ALOX15: variants seen among roughly 807,000 people sequenced by gnomAD.
ALOX15 encodes polyunsaturated fatty acid lipoxygenase ALOX15.
A neutral mutation model predicts 71.7 loss-of-function variants in ALOX15; 68 were observed. The observed-to-expected ratio is 0.95, with a 90% CI of 0.78 to 1.16. The LOEUF is 1.16. ALOX15 is among the 50% of genes most tolerant of loss of function. The pLI, the probability that ALOX15 is intolerant of heterozygous loss-of-function variation, is 0.00. For synonymous variants in ALOX15, 346 were observed against 333.3 expected (o/e 1.04, Z -0.42); for missense variants, 798 against 818.8 (o/e 0.97, Z 0.31).
At chr17:4,633,611 C>A (rs940599742) in intron 8 of ALOX15, 111 bp from the exon 9 acceptor site, 5 of 892,728 alleles carry the variant, frequency 5.6e-6, no homozygotes, top group Non-Finnish European at 8.9e-6. Context: ...AAAGCACAGA[C>A]GTAAAGTTCA....
In ALOX15 at chr17:4,638,645, C is replaced by G; in HGVS notation, c.582G>C (p.Leu194=). 6.2e-7 allele frequency: 1 copy of G among 1,614,210 alleles called. No individual in the cohort carries two copies. Among genetic ancestry groups the G allele is most frequent in the South Asian group, 1.1e-5 (1 of 91,078 alleles). ...AGTCATCTAGATCCTTCCAGCAAGT[C>G]AGAACATTTAGAGAGTCTTTGATAG... ...DLAIKDSLNV[L]TCWKDLDDFN... The change falls in exon 5 of 14, where the codon CTG becomes CTC. Residue 194 remains leucine (L), a synonymous_variant. Transcript: ENST00000293761.
intron 7 of ALOX15, 126 bp from the exon 8 acceptor site, chr17:4,636,094 TGCCGCTCCCTACGGCTCCC>T (rs1911086223): frequency 5.9e-6 from 6 of 1,023,856 alleles, no homozygotes; most frequent in Non-Finnish European, 8.6e-6. Flanking sequence ...ATCTCACTCC[TGCCGCTCCCTACGGCTCCC>T]GTTTCCTCCC....
rs1910888249 is a variant in ALOX15, at chr17:4,631,362, GGAA to G, written c.*235_*237del. On this transcript the variant is annotated 3_prime_UTR_variant, in exon 14 of 14. Transcript: ENST00000293761. Reference sequence around the variant, plus strand: ...CCATATAGATCTGAATGAAGAAAGAGGAAGAGAGAGAGGAAGGAAGATAGGAAA... The same window carrying G: ...CCATATAGATCTGAATGAAGAAAGAGGAGAGAGAGGAAGGAAGATAGGAAA... The G allele has an allele frequency of 9.0e-6, 5 of 554,782 alleles. No individual in the cohort carries two copies. 34.4% of individuals were successfully genotyped at this position (554,782 alleles called of 1,614,324 possible).
rs778006671 is a variant in ALOX15 at position 4,631,080 on chromosome 17, T to A, written c.*520A>T. On this transcript the variant is annotated 3_prime_UTR_variant, in exon 14 of 14. Transcript: ENST00000293761. The stretch of plus-strand genomic sequence containing the variant: ...CCGTCTCCACGAAAATAAAAAAATA[T>A]TAGCTGGGCATGATGGCATGAGCCT... 1 of 152,444 alleles carries A rather than the reference T, an allele frequency of 6.6e-6. No individual in the cohort carries two copies. The highest frequency in any genetic ancestry group is 2.4e-5 in the African/African-American group (1 of 41,446). The allele number at this position is 152,444 out of a possible 1,614,324, so 9.4% of individuals were successfully genotyped here.
chr17:4,633,094 A>G (rs2150534991), intron 10 of ALOX15, 52 bp downstream of exon 10: 3 of 1,607,980 alleles, frequency 1.9e-6, no homozygotes, highest in Admixed American at 1.7e-5. Context: ...GCTCTCCTAC[A>G]TGTCTTCTCC....
In ALOX15 at chr17:4,632,205, T is replaced by A; in HGVS notation, c.1617A>T (p.Gln539His). 1 of 1,614,120 alleles carries A rather than the reference T, an allele frequency of 6.2e-7. No homozygotes were observed. ...CCTGGCCCAGGTGCACAGAGGCGTGTTGGCCGGTGCAGGTGAAGATACACA... is the reference window on the plus strand; with the variant it reads ...CCTGGCCCAGGTGCACAGAGGCGTGATGGCCGGTGCAGGTGAAGATACACA... ...VTMCIFTCTG[Q>H]HASVHLGQLD... The change falls in exon 12 of 14, where the codon CAA becomes CAT. Residue 539 changes from glutamine (Q) to histidine (H), a missense_variant. Transcript: ENST00000293761.
chr17:4,635,654 TTC>T lies in ALOX15; in HGVS notation c.1161+103_1161+104del, dbSNP rs1474263390. ...TGCTCTCACATTGTCCATTCATTGT[TTC>T]TCTCTGTACCCCGAGACCCCACAGA... On this transcript the variant is annotated intron_variant, in intron 8 of 13. Transcript: ENST00000293761. 1.2e-5 allele frequency: 13 copies of T among 1,107,690 alleles called. No homozygotes were observed. In the African/African-American group the frequency reaches 2.0e-4, roughly 17 times the overall value. The allele number at this position is 1,107,690 out of a possible 1,614,324, so 68.6% of individuals were successfully genotyped here.
Position 4,641,524 on chromosome 17 carries a change from C to G in ALOX15, c.128G>C (p.Arg43Pro), listed in dbSNP as rs1307304814. The G allele has an allele frequency of 6.2e-7, 1 of 1,612,766 alleles. No individual in the cohort carries two copies. Among genetic ancestry groups the G allele is most frequent in the Non-Finnish European group, 8.5e-7 (1 of 1,179,672 alleles). The change falls in exon 1 of 14, where the codon CGG becomes CCG. Residue 43 changes from arginine (R) to proline (P), a missense_variant. Physicochemically the swap from Arg to Pro is moderately radical, Grantham distance 103. This residue lies in a region of ALOX15 where 300 missense variants were observed against 283.1 expected (regional missense o/e 1.06). Coordinates refer to ENST00000293761, the MANE Select transcript of ALOX15 (RefSeq NM_001140.5). ...CGGCTCTGGGGAGCTCACCTTGCCC[C>G]GTGCGGGCCACAGTCGCTTCCCGAG... ...AALGKRLWPA[R>P]GKETELKVEV...
intron 11 of ALOX15, among the ~76,000 whole-genome samples, chr17:4,632,576 T>C (rs547217710): frequency 1.3e-3 from 202 of 152,248 alleles, no homozygotes; most frequent in Non-Finnish European, 2.2e-3. Flanking sequence ...AAAATATTTA[T>C]ACCATGGAAA....
chr17:4,637,048 A>G, intron 7 of ALOX15, 67 bp downstream of exon 7: 1 of 1,542,298 alleles, frequency 6.5e-7, no homozygotes, highest in Non-Finnish European at 8.8e-7. Context: ...TGCTCAGTAA[A>G]TTTTGATAAG....
intron 2 of ALOX15, 74 bp from the exon 3 acceptor site, chr17:4,639,206 A>C: frequency 6.4e-7 from 1 of 1,568,936 alleles, no homozygotes. Flanking sequence ...GGAGAGCCTC[A>C]GCACCCCGTC....
chr17:4,634,256 C>T (rs143139945), intron 8 of ALOX15, among the ~76,000 whole-genome samples: 61 of 152,342 alleles, frequency 4.0e-4, no homozygotes, highest in African/African-American at 1.3e-3. Flanking sequence ...TTCCATTCCA[C>T]AAACCAGACT....
At chr17:4,639,974 A>ACCCCCCCCCC (rs56188609) in intron 1 of ALOX15, 1 of 111,884 alleles carries the variant, frequency 8.9e-6, no homozygotes, top group African/African-American at 1.9e-4. Flanking sequence ...CCGCTGTGCG[A>ACCCCCCCCCC]CCCCCCACCC....
chr17:4,640,610 G>A (rs1368092937), intron 1 of ALOX15, among the ~76,000 whole-genome samples: 3 of 121,792 alleles, frequency 2.5e-5, no homozygotes, highest in Non-Finnish European at 5.1e-5. Flanking sequence ...GGAGTCGCGG[G>A]GCCACCTGCT....
At position 4,633,268 on chromosome 17, in the gene ALOX15, A is replaced by T; in HGVS notation, c.1296T>A (p.Ala432=). 6.2e-7 allele frequency: 1 copy of T among 1,614,204 alleles called. No homozygotes were observed. The highest frequency in any genetic ancestry group is 1.1e-5 in the South Asian group (1 of 91,088). ...GGGHVQLLKQ[A]GAFLTYSSFC... is the part of the protein sequence containing the mutation. ...AGGAGCTGTAGGTTAGGAAGGCTCC[A>T]GCTTGCTTGAGCAGCTGCACGTGGC... is the stretch of plus-strand genomic sequence containing the variant. Residue 432 remains alanine, a synonymous_variant, in exon 10 of 14, where the codon GCT becomes GCA. Coordinates refer to ENST00000293761, the MANE Select transcript of ALOX15 (RefSeq NM_001140.5).
chr17:4,633,539 G>C (rs773219247), intron 8 of ALOX15, 39 bp from the exon 9 acceptor site: 1 of 1,549,094 alleles, frequency 6.5e-7, no homozygotes, highest in South Asian at 1.1e-5. Context: ...AGTCAGAGGA[G>C]AGCTGCAAGA....
At chr17:4,633,031 T>G in intron 10 of ALOX15, 49 bp from the exon 11 acceptor site, 1 of 1,613,686 alleles carries the variant, frequency 6.2e-7, no homozygotes, top group Non-Finnish European at 8.5e-7. Flanking sequence ...GCTCTGCCCC[T>G]GCTCACATGG....
rs180812190 is a variant in ALOX15, at chr17:4,639,249, G to T, written c.338-117C>A. On this transcript the variant is annotated intron_variant, in intron 2 of 13. Coordinates refer to ENST00000293761, the MANE Select transcript of ALOX15 (RefSeq NM_001140.5). ...GTGGCCTCTGCCCCTTCAGCATCAC[G>T]CCCCTCCCCCAGGCTCCAGCCACTT... 726 of 1,422,356 alleles carry T rather than the reference G, an allele frequency of 5.1e-4. 3 individuals are homozygous for T. The African/African-American group carries it at 9.4e-3, about 18-fold the overall frequency. 88.1% of individuals were successfully genotyped at this position (1,422,356 alleles called of 1,614,324 possible). A position where few individuals can be genotyped will look rare whatever the true frequency, so the allele number is the denominator to read the frequency against.
intron 1 of ALOX15, among the ~76,000 whole-genome samples, chr17:4,640,400 G>T (rs1488572381): frequency 7.0e-6 from 1 of 143,846 alleles, no homozygotes. Context: ...ACCGACGACC[G>T]CTCCGGCGAC....
Sources: allele counts gnomAD v4.1 joint callset (sites outside exome capture counted in the v4.1 genomes callset), GRCh38; gene constraint gnomAD v4.1.1; regional missense constraint gnomAD v4.1.1; transcripts MANE v1.5; gene names NCBI Gene and HGNC (gene_info 2026-07-23, HGNC 2026-07-21).